FNBP1: variants seen among roughly 807,000 people sequenced by gnomAD.
FNBP1 encodes the protein formin-binding protein 1.
FNBP1 carries 26 observed loss-of-function variants against 90.6 expected under a neutral mutation model. The observed-to-expected ratio is 0.29, with a 90% CI of 0.21 to 0.40. The LOEUF (loss-of-function observed/expected upper bound fraction) is 0.40. Ranked by LOEUF, FNBP1 falls within the 10% of genes least tolerant of loss-of-function variation. The pLI is 1.00. For synonymous variants in FNBP1, 260 were observed against 265.2 expected, an observed-to-expected ratio of 0.98 and a Z score of 0.19; for missense variants, 635 against 768.0, an observed-to-expected ratio of 0.83 and a Z score of 2.05.
At chr9:129,965,208 A>C (rs1008639634) in intron 4 of FNBP1, among the ~76,000 whole-genome samples, 3 of 152,216 alleles carry the variant, frequency 2.0e-5, no homozygotes, top group African/African-American at 7.2e-5. Flanking sequence ...GTCGTACCCC[A>C]CTTAAAACCC....
In FNBP1 at chr9:129,900,321, G is replaced by T; in HGVS notation, c.1550+105C>A. On this transcript the variant is annotated intron_variant, in intron 14 of 16. Transcript: ENST00000446176. This position sits in a 1 kb window ranked among gnomAD's most constrained non-coding sequence, Gnocchi z 4.1. The stretch of plus-strand genomic sequence containing the variant: ...CAGGTCAATCGCAACAGACATTTTG[G>T]CATTGAACAAGTGCCTTATGGTCAT... The T allele has an allele frequency of 8.1e-7, 1 of 1,241,992 alleles. No individual in the cohort carries two copies. Among genetic ancestry groups the T allele is most frequent in the Non-Finnish European group, 1.1e-6 (1 of 926,626 alleles). 76.9% of individuals were successfully genotyped at this position (1,241,992 alleles called of 1,614,324 possible).
At chr9:130,004,742 G>C (rs2055399607) in intron 1 of FNBP1, among the ~76,000 whole-genome samples, 1 of 152,120 alleles carries the variant, frequency 6.6e-6, no homozygotes, top group African/African-American at 2.4e-5. Flanking sequence ...TATTAAAGAA[G>C]CTGCACTTAC....
rs377285781 is a variant in FNBP1, at chr9:129,957,318, G to A, written c.513+42C>T. ...CTCCCAAAGTGCTGGGATTACAGGC[G>A]TGAGCCACCGTGCCCGGCCCACACT... is the stretch of plus-strand genomic sequence containing the variant. On this transcript the variant is annotated intron_variant, in intron 6 of 16. Coordinates refer to ENST00000446176, the MANE Select transcript of FNBP1 (RefSeq NM_015033.3). The surrounding 1 kb of genome is among the most constrained non-coding windows in gnomAD (Gnocchi z 4.3). The A allele has an allele frequency of 6.9e-4, 976 of 1,415,544 alleles. 5 individuals are homozygous for A. The highest frequency in any genetic ancestry group is 7.8e-4 in the Non-Finnish European group (781 of 1,004,242). 87.7% of individuals were successfully genotyped at this position (1,415,544 alleles called of 1,614,324 possible).
At chr9:130,038,378 A>C (rs1330769738) in intron 1 of FNBP1, among the ~76,000 whole-genome samples, 1 of 143,030 alleles carries the variant, frequency 7.0e-6, no homozygotes, top group African/African-American at 2.6e-5. Flanking sequence ...AAAAAAAGAC[A>C]TACAATCAAC....
chr9:129,927,268 C>CTGATAGG lies in FNBP1; in HGVS notation c.715_716insCCTATCA (p.Arg239ProfsTer24). On this transcript the variant is annotated frameshift_variant, in exon 8 of 17. Transcript: ENST00000446176. LOFTEE classifies it high-confidence loss of function. ...CTTCCCAATGATTGGGATCACCTGC[C>CTGATAGG]GATCAACCTCTGCATATGTCTTCAT... 1.9e-6 allele frequency: 3 copies of CTGATAGG among 1,613,642 alleles called. No individual in the cohort carries two copies. Among genetic ancestry groups the CTGATAGG allele is most frequent in the Non-Finnish European group, 2.5e-6 (3 of 1,179,590 alleles).
chr9:130,036,051 T>G (rs1465458404), intron 1 of FNBP1, among the ~76,000 whole-genome samples: 5 of 152,078 alleles, frequency 3.3e-5, no homozygotes, highest in African/African-American at 1.2e-4. Flanking sequence ...ACTAAACACA[T>G]TACTAGGCTC....
the FNBP1 span, among the ~76,000 whole-genome samples, chr9:130,048,387 G>A: frequency 6.7e-6 from 1 of 149,130 alleles, no homozygotes; most frequent in African/African-American, 2.5e-5. Flanking sequence ...TGAAGGAACT[G>A]GGGTTGAGTA....
chr9:129,965,799 G>GGA (rs2048523919), intron 4 of FNBP1, among the ~76,000 whole-genome samples: 3 of 108,034 alleles, frequency 2.8e-5, no homozygotes, highest in Non-Finnish European at 3.8e-5. Flanking sequence ...GGAGGGAGGG[G>GGA]GGAAGGAGGG....
At chr9:129,945,887 G>C (rs1808754616) in intron 6 of FNBP1, among the ~76,000 whole-genome samples, 1 of 151,970 alleles carries the variant, frequency 6.6e-6, no homozygotes, top group South Asian at 2.1e-4. Flanking sequence ...ATTACATGTG[G>C]CTGGGCATGG....
rs2036506353 is a variant in FNBP1 at position 129,899,739 on chromosome 9, AGGAAGGAAGGAAG to A, written c.1687+213_1687+225del. Among the ~76,000 whole-genome samples the A allele has an allele frequency of 3.5e-5, 5 of 141,552 alleles. No individual in the cohort carries two copies. The South Asian group carries it at 1.3e-3, about 37-fold the overall frequency. The allele number at this position is 141,552 out of a possible 152,430, so 92.9% of individuals were successfully genotyped here. A position where few individuals can be genotyped will look rare whatever the true frequency, so the allele number is the denominator to read the frequency against. ...GCGAGACCCTGTATGAAAAAAAGGA[AGGAAGGAAGGAAG>A]GGAAGGAAGGGAAGGAAGGGAAGGG... is the stretch of plus-strand genomic sequence containing the variant. On this transcript the variant is annotated intron_variant, in intron 15 of 16. Transcript: ENST00000446176.
intron 12 of FNBP1, among the ~76,000 whole-genome samples, chr9:129,905,557 A>C (rs1335739881): frequency 1.3e-5 from 2 of 151,782 alleles, no homozygotes; most frequent in Non-Finnish European, 2.9e-5. Flanking sequence ...TGATCCACCC[A>C]CCTCAGTCTC....
At chr9:130,046,773 C>G (rs1242717096), upstream of FNBP1, among the ~76,000 whole-genome samples, 4 of 36,282 alleles carry the variant, frequency 1.1e-4, no homozygotes, top group Non-Finnish European at 2.0e-4. Flanking sequence ...GAGACTTTAT[C>G]TCAAAAAAAA....
chr9:129,919,068 C>T (rs2040706521), intron 10 of FNBP1: 2 of 402,592 alleles, frequency 5.0e-6, no homozygotes, highest in African/African-American at 4.2e-5. Context: ...GGAAGCATAA[C>T]AAGTGCCTCT....
rs1250736549 is a variant in FNBP1 at position 129,966,499 on chromosome 9, T to C, written c.346-7946A>G. On this transcript the variant is annotated intron_variant, in intron 4 of 16. Coordinates refer to ENST00000446176, the MANE Select transcript of FNBP1 (RefSeq NM_015033.3). The surrounding 1 kb of genome is among the most constrained non-coding windows in gnomAD (Gnocchi z 4.3). ...ATCCCAGCACTTTGGGAGGTCGAGATGGGCGGATCATTTGAGGTCAGGAGT... is the reference window on the plus strand; with the variant it reads ...ATCCCAGCACTTTGGGAGGTCGAGACGGGCGGATCATTTGAGGTCAGGAGT... 1.3e-5 allele frequency among the ~76,000 whole-genome samples: 2 copies of C among 151,864 alleles called. No individual in the cohort carries two copies. The highest frequency in any genetic ancestry group is 2.9e-5 in the Non-Finnish European group (2 of 67,954).
chr9:130,000,714 C>A, intron 1 of FNBP1, among the ~76,000 whole-genome samples: 1 of 152,044 alleles, frequency 6.6e-6, no homozygotes, highest in East Asian at 1.9e-4. Flanking sequence ...CACTTTAAAG[C>A]TAGAATTTTA....
intron 1 of FNBP1, among the ~76,000 whole-genome samples, chr9:130,012,205 C>G (rs2056698749): frequency 6.6e-6 from 1 of 152,218 alleles, no homozygotes; most frequent in African/African-American, 2.4e-5. Flanking sequence ...AATGCTGGCT[C>G]TTTGACTACT....
At chr9:130,046,580 C>CAAAAAAAAAAAAAAAAAAAA (rs56392821), upstream of FNBP1, among the ~76,000 whole-genome samples, 3 of 66,792 alleles carry the variant, frequency 4.5e-5, no homozygotes, top group African/African-American at 6.2e-5. Context: ...ACTAAAAATA[C>CAAAAAAAAAAAAAAAAAAAA]AAAAAAAAAA....
chr9:129,979,281 G>A (rs2050814254), intron 3 of FNBP1, 37 bp downstream of exon 3: 2 of 1,237,806 alleles, frequency 1.6e-6, no homozygotes, highest in Non-Finnish European at 1.2e-6. Flanking sequence ...TCAATGGCAT[G>A]TGTCTATTAC....
At chr9:129,990,461 G>A (rs755425931) in intron 2 of FNBP1, among the ~76,000 whole-genome samples, 5 of 152,158 alleles carry the variant, frequency 3.3e-5, no homozygotes, top group Non-Finnish European at 7.3e-5. Flanking sequence ...TAGCTCTCGG[G>A]TGAGGGGATG....
Sources: gnomAD v4.1 joint callset for allele counts (sites outside exome capture counted in the v4.1 genomes callset) on GRCh38, gnomAD v4.1.1 for gene constraint, Gnocchi (gnomAD v3.1) non-coding constraint, MANE v1.5 for transcripts, NCBI Gene and HGNC (gene_info 2026-07-23, HGNC 2026-07-21) for gene names.